TIAM2: variants seen among roughly 807,000 people sequenced by gnomAD.
TIAM2 encodes the protein TIAM Rac1 associated GEF 2.
In TIAM2, 80 loss-of-function variants were observed where a neutral mutation model predicts 152.9. That is an observed-to-expected ratio of 0.52 (90% CI 0.44 to 0.63). TIAM2 has a LOEUF of 0.63. TIAM2 is among the 30% of genes least tolerant of loss of function. The pLI, the probability that TIAM2 is intolerant of heterozygous loss-of-function variation, is 0.00. For synonymous variants in TIAM2, 804 were observed against 838.0 expected (o/e 0.96, Z 0.70); for missense variants, 1,965 against 2,120.1 (o/e 0.93, Z 1.44).
chr6:155,030,933 A>G (rs1776810256), intron 1 of TIAM2, among the ~76,000 whole-genome samples: 1 of 152,198 alleles, frequency 6.6e-6, no homozygotes, highest in African/African-American at 2.4e-5. Context: ...TTCCTCTGGC[A>G]TAGTAATGGT....
intron 1 of TIAM2, among the ~76,000 whole-genome samples, chr6:155,025,374 T>C (rs898158877): frequency 6.6e-5 from 10 of 152,114 alleles, no homozygotes; most frequent in African/African-American, 2.4e-4. Flanking sequence ...TTTGTATTTT[T>C]AGTAGAGACG....
intron 5 of TIAM2, 122 bp downstream of exon 5, chr6:155,137,734 C>A: frequency 9.3e-7 from 1 of 1,070,084 alleles, no homozygotes; most frequent in Non-Finnish European, 1.3e-6. Context: ...ACACAGGATC[C>A]ATGGGCTGCC....
chr6:155,191,518 G>A (rs886691114), intron 14 of TIAM2, among the ~76,000 whole-genome samples: 37 of 152,250 alleles, frequency 2.4e-4, no homozygotes, highest in Middle Eastern at 3.4e-3. Flanking sequence ...TTGGCTGGGC[G>A]CGGTGGCTCA....
At chr6:155,005,528 C>T (rs1441154047) in intron 1 of TIAM2, among the ~76,000 whole-genome samples, 7 of 151,830 alleles carry the variant, frequency 4.6e-5, no homozygotes, top group African/African-American at 1.2e-4. Context: ...TTACTAGAGA[C>T]GGGGTTTCAC....
At chr6:155,076,733 G>A (rs946383797) in intron 1 of TIAM2, among the ~76,000 whole-genome samples, 7 of 152,058 alleles carry the variant, frequency 4.6e-5, no homozygotes, top group Non-Finnish European at 7.4e-5. Flanking sequence ...TGATGCCTAG[G>A]CTGACAGTGC....
At chr6:155,085,888 G>A (rs565781458) in intron 1 of TIAM2, among the ~76,000 whole-genome samples, 6 of 152,328 alleles carry the variant, frequency 3.9e-5, no homozygotes, top group African/African-American at 1.4e-4. Flanking sequence ...CAAAAGCATA[G>A]CATTGCTTGA....
At chr6:155,254,352 G>A (rs879015554) in intron 25 of TIAM2, 67 bp from the exon 26 acceptor site, 49 of 1,570,664 alleles carry the variant, frequency 3.1e-5, no homozygotes, top group Middle Eastern at 3.4e-4. Context: ...GAACACAGGC[G>A]GGCGTGGAAT....
At chr6:155,142,569 C>A (rs1779734096) in intron 5 of TIAM2, among the ~76,000 whole-genome samples, 1 of 152,206 alleles carries the variant, frequency 6.6e-6, no homozygotes, top group Admixed American at 6.5e-5. Flanking sequence ...GGCCCCGGGT[C>A]ATGGCTTGTA....
intron 7 of TIAM2, among the ~76,000 whole-genome samples, chr6:155,162,452 GAGA>G (rs1268377676): frequency 6.6e-6 from 1 of 152,222 alleles, no homozygotes; most frequent in South Asian, 2.1e-4. Flanking sequence ...ATCATCTGGA[GAGA>G]AGATGTTTGG....
chr6:155,009,787 A>G (rs2114846525), intron 1 of TIAM2, among the ~76,000 whole-genome samples: 1 of 152,180 alleles, frequency 6.6e-6, no homozygotes, highest in East Asian at 1.9e-4. Context: ...ACAGTTGTGA[A>G]TCCAGTGGAA....
At chr6:155,012,770 C>T (rs1435263221) in intron 1 of TIAM2, among the ~76,000 whole-genome samples, 1 of 152,136 alleles carries the variant, frequency 6.6e-6, no homozygotes, top group Non-Finnish European at 1.5e-5. Context: ...AGGCTGGTCT[C>T]GAACTCCTGA....
In TIAM2 at chr6:155,240,570, ACAGT is replaced by A. The variant is rs1411326726; in HGVS notation, c.3213_3216del (p.Ser1071ArgfsTer44). On this transcript the variant is annotated frameshift_variant, in exon 16 of 27. Coordinates refer to ENST00000682666, the MANE Select transcript of TIAM2 (RefSeq NM_012454.4). LOFTEE classifies it high-confidence loss of function. Reference sequence around the variant, plus strand: ...ACTGCACTGTGCAGGAGTTTTAACGACAGTCAGGCCAACGGCATGGAAGGACCGC... The same window carrying A: ...ACTGCACTGTGCAGGAGTTTTAACGACAGGCCAACGGCATGGAAGGACCGC... 1.2e-6 allele frequency: 2 copies of A among 1,614,152 alleles called. No homozygotes were observed. Among genetic ancestry groups the A allele is most frequent in the East Asian group, 2.2e-5 (1 of 44,886 alleles).
At chr6:155,165,644 C>T (rs1194225617) in intron 9 of TIAM2, among the ~76,000 whole-genome samples, 5 of 152,008 alleles carry the variant, frequency 3.3e-5, no homozygotes, top group Non-Finnish European at 7.4e-5. Flanking sequence ...TACAAATAGC[C>T]GAGTGTGGTG....
In TIAM2 at chr6:155,213,753, C is replaced by T. The variant is rs1242966018; in HGVS notation, c.3168+2446C>T. On this transcript the variant is annotated intron_variant, in intron 15 of 26. Transcript: ENST00000682666. This position sits in a 1 kb window ranked among gnomAD's most constrained non-coding sequence, Gnocchi z 4.2. ...AGGCCAGGGCCGAGCTGCCCTCAGT[C>T]CCCTCCTTGGCCTGCCTCCCATGCT... is the stretch of plus-strand genomic sequence containing the variant. Among the ~76,000 whole-genome samples the T allele has an allele frequency of 4.6e-5, 7 of 152,210 alleles. No homozygotes were observed. The highest frequency in any genetic ancestry group is 1.7e-4 in the African/African-American group (7 of 41,464).
chr6:155,102,985 AC>A (rs1436252418), intron 2 of TIAM2, among the ~76,000 whole-genome samples: 2 of 152,212 alleles, frequency 1.3e-5, no homozygotes, highest in African/African-American at 4.8e-5. Context: ...AAAATAGAAT[AC>A]TTCGTAAGTG....
At chr6:155,187,984 C>A (rs1781095120) in intron 14 of TIAM2, among the ~76,000 whole-genome samples, 1 of 152,180 alleles carries the variant, frequency 6.6e-6, no homozygotes, top group Non-Finnish European at 1.5e-5. Flanking sequence ...GTGAGCACTC[C>A]CGCTGCCCCT....
chr6:155,142,480 G>A (rs932903071), intron 5 of TIAM2, among the ~76,000 whole-genome samples: 1 of 152,242 alleles, frequency 6.6e-6, no homozygotes, highest in Admixed American at 6.5e-5. Flanking sequence ...GGGAAGCTGG[G>A]AAGTGAACGT....
At chr6:155,237,212 G>A (rs1782809259) in intron 15 of TIAM2, among the ~76,000 whole-genome samples, 1 of 152,242 alleles carries the variant, frequency 6.6e-6, no homozygotes, top group Non-Finnish European at 1.5e-5. Flanking sequence ...AAATCCAGCA[G>A]GACAGTGAAA....
intron 1 of TIAM2, among the ~76,000 whole-genome samples, chr6:155,052,263 T>C (rs1350608709): frequency 5.1e-4 from 78 of 152,198 alleles, no homozygotes; most frequent in Non-Finnish European, 2.9e-5. Context: ...ACCAAGGAGT[T>C]ATCTATCGTG....
Sources: allele counts gnomAD v4.1 joint callset (sites outside exome capture counted in the v4.1 genomes callset), GRCh38; gene constraint gnomAD v4.1.1; non-coding constraint Gnocchi (gnomAD v3.1); transcripts MANE v1.5; gene names NCBI Gene and HGNC (gene_info 2026-07-23, HGNC 2026-07-21).